Variants in SYNPO2 observed in about 807,000 individuals in gnomAD.
SYNPO2 encodes the protein synaptopodin-2.
In SYNPO2, 56 loss-of-function variants were observed where a neutral mutation model predicts 85.0. The observed-to-expected ratio is 0.66, with a 90% CI of 0.53 to 0.82. The LOEUF is 0.82. Ranked by LOEUF, SYNPO2 falls within the 40% of genes least tolerant of loss-of-function variation. The probability of loss-of-function intolerance (pLI) is 0.00; values close to 1 mark genes in which losing one functional copy is unlikely to be tolerated. For missense variants in SYNPO2, 1,575 were observed against 1,534.2 expected, an observed-to-expected ratio of 1.03 and a Z score of -0.44; for synonymous variants, 602 against 591.1, an observed-to-expected ratio of 1.02 and a Z score of -0.27.
At chr4:119,021,724 G>A (rs1737730886) in intron 1 of SYNPO2, among the ~76,000 whole-genome samples, 2 of 152,196 alleles carry the variant, frequency 1.3e-5, no homozygotes, top group South Asian at 4.1e-4. Flanking sequence ...GAAATCCAGA[G>A]ATTGAGAGCA....
chr4:119,007,261 T>TATATATATATATATATGTATATAC (rs1737101025), intron 1 of SYNPO2, among the ~76,000 whole-genome samples: 16 of 29,366 alleles, frequency 5.4e-4, no homozygotes, highest in African/African-American at 1.5e-3. Flanking sequence ...TACATATATA[T>TATATATATATATATATGTATATAC]ATATATATAT....
At chr4:118,996,019 GCT>G (rs1736579957) in intron 1 of SYNPO2, among the ~76,000 whole-genome samples, 1 of 152,092 alleles carries the variant, frequency 6.6e-6, no homozygotes, top group Admixed American at 6.5e-5. Flanking sequence ...GTACTGAAAA[GCT>G]TTTGCTAGCT....
intron 4 of SYNPO2, among the ~76,000 whole-genome samples, chr4:119,056,154 C>T (rs939868702): frequency 6.6e-6 from 1 of 152,168 alleles, no homozygotes; most frequent in African/African-American, 2.4e-5. Context: ...CAGCCTCATG[C>T]ATATTGGAAT....
chr4:118,933,924 G>A (rs1328560180), intron 1 of SYNPO2, among the ~76,000 whole-genome samples: 2 of 145,932 alleles, frequency 1.4e-5, no homozygotes, highest in African/African-American at 5.0e-5. Context: ...AACTGCTTTA[G>A]ATCTTTAAAT....
chr4:118,871,359 T>A (rs917729252), intron 1 of SYNPO2, among the ~76,000 whole-genome samples: 2 of 148,534 alleles, frequency 1.3e-5, no homozygotes, highest in African/African-American at 4.9e-5. Flanking sequence ...GCCTCTTTTC[T>A]TTTTTTTTTA....
chr4:119,010,381 A>T (rs559848019), intron 1 of SYNPO2, among the ~76,000 whole-genome samples: 16 of 152,310 alleles, frequency 1.1e-4, no homozygotes, highest in African/African-American at 3.8e-4. Context: ...GCGGCAAGAG[A>T]AAATGAGGAA....
chr4:118,880,320 C>T (rs1441287781), intron 1 of SYNPO2, among the ~76,000 whole-genome samples: 2 of 152,116 alleles, frequency 1.3e-5, no homozygotes, highest in African/African-American at 2.4e-5. Context: ...AATTATGTCC[C>T]TCCAAGTTCA....
intron 1 of SYNPO2, among the ~76,000 whole-genome samples, chr4:118,872,768 AC>A (rs982213050): frequency 1.3e-5 from 2 of 151,854 alleles, no homozygotes; most frequent in Non-Finnish European, 2.9e-5. Flanking sequence ...TCTGGATCAT[AC>A]CCCTTTTTCT....
intron 1 of SYNPO2, among the ~76,000 whole-genome samples, chr4:118,902,292 C>T (rs771570238): frequency 6.6e-6 from 1 of 152,140 alleles, no homozygotes; most frequent in African/African-American, 2.4e-5. Context: ...CACCTGTATT[C>T]GTCCATTTTC....
chr4:118,855,764 G>T (rs186957082), intron 1 of SYNPO2, among the ~76,000 whole-genome samples: 1 of 152,076 alleles, frequency 6.6e-6, no homozygotes, highest in Non-Finnish European at 1.5e-5. Flanking sequence ...AATAATTATT[G>T]TCTATATCAT....
intron 1 of SYNPO2, among the ~76,000 whole-genome samples, chr4:118,907,675 C>A (rs1732983433): frequency 6.6e-6 from 1 of 152,032 alleles, no homozygotes; most frequent in Non-Finnish European, 1.5e-5. Flanking sequence ...CCTAAAATAA[C>A]TAGAATTGAA....
intron 1 of SYNPO2, among the ~76,000 whole-genome samples, chr4:118,981,494 A>G (rs1736005903): frequency 1.3e-5 from 2 of 152,238 alleles, no homozygotes; most frequent in Non-Finnish European, 2.9e-5. Context: ...TACCATAATT[A>G]CTGACCTCTC....
At chr4:119,001,523 A>G (rs929672562) in intron 1 of SYNPO2, among the ~76,000 whole-genome samples, 3 of 152,204 alleles carry the variant, frequency 2.0e-5, no homozygotes, top group Admixed American at 1.3e-4. Context: ...GGCAACTTTT[A>G]TTTGTCCAGA....
At chr4:118,926,142 A>G (rs1279415700) in intron 1 of SYNPO2, among the ~76,000 whole-genome samples, 1 of 152,146 alleles carries the variant, frequency 6.6e-6, no homozygotes, top group Admixed American at 6.6e-5. Context: ...AAGCACTTCC[A>G]TGTGAATGGA....
At chr4:118,927,477 A>G (rs1733748271) in intron 1 of SYNPO2, among the ~76,000 whole-genome samples, 1 of 152,122 alleles carries the variant, frequency 6.6e-6, no homozygotes, top group Admixed American at 6.6e-5. Flanking sequence ...ACTGGGTGGT[A>G]TCTGAACCGA....
At chr4:118,974,731 TA>T (rs1254272704) in intron 1 of SYNPO2, among the ~76,000 whole-genome samples, 1 of 152,178 alleles carries the variant, frequency 6.6e-6, no homozygotes, top group Admixed American at 6.5e-5. Context: ...GCATCACCAT[TA>T]TTAGGACTTT....
chr4:118,979,856 G>T (rs148050635), intron 1 of SYNPO2, among the ~76,000 whole-genome samples: 1 of 152,180 alleles, frequency 6.6e-6, no homozygotes, highest in Non-Finnish European at 1.5e-5. Context: ...AGTTTCTTCC[G>T]CACTCAGCAT....
chr4:119,027,380 A>T lies in SYNPO2; in HGVS notation c.1011A>T (p.Glu337Asp), dbSNP rs768430320. 2.7e-5 allele frequency: 44 copies of T among 1,613,070 alleles called. No homozygotes were observed. The highest frequency in any genetic ancestry group is 3.6e-5 in the Non-Finnish European group (42 of 1,179,702). The change falls in exon 3 of 5, where the codon GAA becomes GAT. Residue 337 changes from glutamate (E) to aspartate (D), a missense_variant. Transcript: ENST00000307142. ...AVSSEGTEQG[E>D]DPRSEKDHSR... ...CATCAGAAGGCACAGAGCAGGGAGAAGATCCACGCTCGGAAAAAGATCACA... is the reference window on the plus strand; with the variant it reads ...CATCAGAAGGCACAGAGCAGGGAGATGATCCACGCTCGGAAAAAGATCACA...
chr4:118,964,826 A>T lies in SYNPO2; in HGVS notation c.106-58604A>T, dbSNP rs146902673. 1.1e-4 allele frequency among the ~76,000 whole-genome samples: 16 copies of T among 152,310 alleles called. No homozygotes were observed. The East Asian group carries it at 2.7e-3, about 26-fold the overall frequency. ...ACAAACAAGAAAACCCCTGCTATCA[A>T]GAAACTCAGTCCAAAGGACTGAAAA... is the stretch of plus-strand genomic sequence containing the variant. On this transcript the variant is annotated intron_variant, in intron 1 of 4. Transcript: ENST00000307142.
Sources: gnomAD v4.1 joint callset for allele counts (sites outside exome capture counted in the v4.1 genomes callset) on GRCh38, gnomAD v4.1.1 for gene constraint, MANE v1.5 for transcripts, NCBI Gene and HGNC (gene_info 2026-07-23, HGNC 2026-07-21) for gene names.